CPNE3: variants seen among roughly 807,000 people sequenced by gnomAD.
CPNE3 encodes the protein copine-3.
CPNE3 carries 68 observed loss-of-function variants against 63.9 expected under a neutral mutation model. That is an observed-to-expected ratio of 1.06 (90% CI 0.87 to 1.30). The LOEUF is 1.30. Among genes scored for constraint, CPNE3 ranks in the 50% most tolerant of loss-of-function variants. The pLI is 0.00. For missense variants in CPNE3, 665 were observed against 578.1 expected (o/e 1.15, Z -1.54); for synonymous variants, 219 against 197.5 (o/e 1.11, Z -0.91).
intron 8 of CPNE3, among the ~76,000 whole-genome samples, chr8:86,543,804 T>G (rs1820994319): frequency 6.6e-6 from 1 of 152,196 alleles, no homozygotes; most frequent in Non-Finnish European, 1.5e-5. Context: ...TGAAATAATC[T>G]GTTTTGAGAT....
At chr8:86,552,586 A>G (rs989149852) in intron 14 of CPNE3, among the ~76,000 whole-genome samples, 2 of 152,048 alleles carry the variant, frequency 1.3e-5, no homozygotes, top group South Asian at 2.1e-4. Flanking sequence ...AGTGGTTTAC[A>G]CTCTGGAAAA....
At chr8:86,528,840 TC>T in intron 3 of CPNE3, 104 bp from the exon 4 acceptor site, 1 of 1,308,320 alleles carries the variant, frequency 7.6e-7, no homozygotes, top group Non-Finnish European at 1.0e-6. Context: ...TATAGAAACT[TC>T]CTTTAGTTGT....
At chr8:86,534,479 A>T (rs535682492) in intron 6 of CPNE3, among the ~76,000 whole-genome samples, 41 of 152,232 alleles carry the variant, frequency 2.7e-4, no homozygotes, top group African/African-American at 9.9e-4. Flanking sequence ...AACATGGTGA[A>T]ACACCATCTC....
intron 7 of CPNE3, among the ~76,000 whole-genome samples, chr8:86,539,245 G>T (rs1820875597): frequency 6.6e-6 from 1 of 152,002 alleles, no homozygotes; most frequent in Non-Finnish European, 1.5e-5. Flanking sequence ...TTTTCTTTTT[G>T]ACTTCATTCA....
Position 86,544,114 on chromosome 8 carries a change from C to T in CPNE3, c.634-626C>T, listed in dbSNP as rs190358942. Among the ~76,000 whole-genome samples, 12 of 152,074 alleles carry T rather than the reference C, an allele frequency of 7.9e-5. 1 individual carries two copies. Among genetic ancestry groups the T allele is most frequent in the East Asian group, 5.8e-4 (3 of 5,156 alleles). On this transcript the variant is annotated intron_variant, in intron 8 of 16. Transcript: ENST00000517490. The stretch of plus-strand genomic sequence containing the variant: ...ACATGGAAATAGAGTAAATATGACC[C>T]GGTGTGGATACTTCCTCAGTGGACT...
At chr8:86,541,700 T>TCC (rs1820944994) in intron 8 of CPNE3, among the ~76,000 whole-genome samples, 1 of 138,642 alleles carries the variant, frequency 7.2e-6, no homozygotes, top group African/African-American at 2.6e-5. Flanking sequence ...AGTGAGACCG[T>TCC]GTCTTAAAAA....
At chr8:86,552,413 A>C (rs563875020) in intron 14 of CPNE3, among the ~76,000 whole-genome samples, 1 of 152,292 alleles carries the variant, frequency 6.6e-6, no homozygotes, top group South Asian at 2.1e-4. Flanking sequence ...TCTTTTTAAG[A>C]AATATGCTTC....
At position 86,554,926 on chromosome 8, in the gene CPNE3, C is replaced by T; in HGVS notation, c.1196C>T (p.Pro399Leu). ...IKLYGPTNFSPIINHVARFAA... is the reference protein window; with the variant it reads ...IKLYGPTNFSLIINHVARFAA... ...CTCTATGGACCAACTAATTTTTCTC[C>T]AATCATAAATCACGTGGCCAGGTTT... is the stretch of plus-strand genomic sequence containing the variant. Residue 399 changes from proline to leucine, a missense_variant, in exon 15 of 17, where the codon CCA becomes CTA. Coordinates refer to ENST00000517490, the MANE Select transcript of CPNE3 (RefSeq NM_003909.5). 1.2e-6 allele frequency: 2 copies of T among 1,614,112 alleles called. No homozygotes were observed. The highest frequency in any genetic ancestry group is 2.2e-5 in the South Asian group (2 of 91,076).
chr8:86,527,928 T>C lies in CPNE3; in HGVS notation c.-10-608T>C, dbSNP rs964271701. On this transcript the variant is annotated intron_variant, in intron 2 of 16. Coordinates refer to ENST00000517490, the MANE Select transcript of CPNE3 (RefSeq NM_003909.5). ...GAGTTTTTCTGAATGATAAAATTTA[T>C]AGTTAAGGTAAAAAGAAATTTTTTT... Among the ~76,000 whole-genome samples the C allele has an allele frequency of 2.0e-5, 3 of 146,952 alleles. No individual in the cohort carries two copies. In the South Asian group the frequency reaches 6.5e-4, roughly 32 times the overall value.
chr8:86,533,168 A>G (rs1460623381), intron 6 of CPNE3, among the ~76,000 whole-genome samples: 1 of 152,072 alleles, frequency 6.6e-6, no homozygotes, highest in Non-Finnish European at 1.5e-5. Flanking sequence ...TTGGGATTGC[A>G]GGTGTGAGCC....
intron 14 of CPNE3, chr8:86,554,190 C>T (rs1821260219): frequency 6.6e-6 from 1 of 152,172 alleles, no homozygotes. Flanking sequence ...ATGCATTGGT[C>T]AAAGCTAATC....
chr8:86,540,361 ATACT>A (rs894661447), intron 8 of CPNE3, 27 bp downstream of exon 8: 4 of 1,033,450 alleles, frequency 3.9e-6, no homozygotes, highest in African/African-American at 1.7e-5. Flanking sequence ...TATATATAAA[ATACT>A]TAAATATACC....
At chr8:86,527,673 G>A (rs1820569260) in intron 2 of CPNE3, among the ~76,000 whole-genome samples, 1 of 152,050 alleles carries the variant, frequency 6.6e-6, no homozygotes, top group South Asian at 2.1e-4. Context: ...TCCTCCAGAT[G>A]ATTCCAGGAA....
At chr8:86,556,613 T>C (rs1410431590) in intron 16 of CPNE3, among the ~76,000 whole-genome samples, 1 of 152,218 alleles carries the variant, frequency 6.6e-6, no homozygotes, top group African/African-American at 2.4e-5. Flanking sequence ...AACTCTTATG[T>C]AACTGTATGC....
Position 86,547,716 on chromosome 8 carries a change from A to T in CPNE3, c.825A>T (p.Thr275=). Residue 275 remains threonine, a synonymous_variant, in exon 11 of 17, where the codon ACA becomes ACT. Coordinates refer to ENST00000517490, the MANE Select transcript of CPNE3 (RefSeq NM_003909.5). ...GVISVKQCEI[T]VECTFLDYIM... The stretch of plus-strand genomic sequence containing the variant: ...AAGTTTTCTCTTATTTTTAGATTAC[A>T]GTAGAATGCACATTCCTTGACTATA... 1 of 1,244,572 alleles carries T rather than the reference A, an allele frequency of 8.0e-7. No homozygotes were observed. Among genetic ancestry groups the T allele is most frequent in the Non-Finnish European group, 1.2e-6 (1 of 848,324 alleles). The allele number at this position is 1,244,572 out of a possible 1,614,324, so 77.1% of individuals were successfully genotyped here. A position where few individuals can be genotyped will look rare whatever the true frequency, so the allele number is the denominator to read the frequency against.
At position 86,558,573 on chromosome 8, in the gene CPNE3, G is replaced by A; in HGVS notation, c.*163G>A. 1.7e-6 allele frequency: 1 copy of A among 597,778 alleles called. No individual in the cohort carries two copies. The highest frequency in any genetic ancestry group is 3.0e-6 in the Non-Finnish European group (1 of 337,300). The allele number at this position is 597,778 out of a possible 1,614,324, so 37.0% of individuals were successfully genotyped here. On this transcript the variant is annotated 3_prime_UTR_variant, in exon 17 of 17. Coordinates refer to ENST00000517490, the MANE Select transcript of CPNE3 (RefSeq NM_003909.5). ...AAGCATTCTTTCTAGGTTATTTTGG[G>A]GGGACAGTGCCAAGTCCATCTTTGC... is the stretch of plus-strand genomic sequence containing the variant.
chr8:86,554,673 A>G (rs1821272637), intron 14 of CPNE3, among the ~76,000 whole-genome samples, 178 bp from the exon 15 acceptor site: 1 of 152,304 alleles, frequency 6.6e-6, no homozygotes, highest in South Asian at 2.1e-4. Context: ...GGTTTTTGCA[A>G]TGGATCATAC....
intron 14 of CPNE3, among the ~76,000 whole-genome samples, chr8:86,551,898 A>G (rs770425573): frequency 6.6e-6 from 1 of 152,218 alleles, no homozygotes; most frequent in Non-Finnish European, 1.5e-5. Flanking sequence ...ACCTCAAGCT[A>G]TCTTCCTGCC....
rs367933166 is a variant in CPNE3 at position 86,551,053 on chromosome 8, A to G, written c.1021A>G (p.Met341Val). Reference protein sequence around the residue: ...LVIQDYDADKMFPAFGFGAQI... With the variant: ...LVIQDYDADKVFPAFGFGAQI... ...ATATTTTTTTCTTTTTAGTGATAAG[A>G]TGTTTCCAGCTTTTGGTTTTGGCGC... Residue 341 changes from methionine (M) to valine (V), a missense_variant, in exon 13 of 17, where the codon ATG becomes GTG. Met to Val is a conservative substitution (Grantham distance 21). Transcript: ENST00000517490. The G allele has an allele frequency of 1.7e-5, 28 of 1,605,664 alleles. No homozygotes were observed. Among genetic ancestry groups the G allele is most frequent in the African/African-American group, 1.3e-4 (10 of 74,672 alleles).
Sources: gnomAD v4.1 joint callset for allele counts (sites outside exome capture counted in the v4.1 genomes callset) on GRCh38, gnomAD v4.1.1 for gene constraint, MANE v1.5 for transcripts, NCBI Gene and HGNC (gene_info 2026-07-23, HGNC 2026-07-21) for gene names.